LDB2: variants seen among roughly 807,000 people sequenced by gnomAD.
The protein encoded by LDB2 is LIM domain-binding protein 2.
A neutral mutation model predicts 44.3 loss-of-function variants in LDB2; 12 were observed. That is an observed-to-expected ratio of 0.27 (90% CI 0.17 to 0.44). LDB2 has a LOEUF of 0.44. Among genes scored for constraint, LDB2 ranks in the 20% least tolerant of loss-of-function variants. LDB2 has a pLI of 1.00. For missense variants in LDB2, 344 were observed against 473.5 expected, an observed-to-expected ratio of 0.73 and a Z score of 2.54; for synonymous variants, 164 against 174.8, an observed-to-expected ratio of 0.94 and a Z score of 0.49.
intron 2 of LDB2, among the ~76,000 whole-genome samples, chr4:16,736,756 C>G (rs1277002792): frequency 6.6e-6 from 1 of 152,116 alleles, no homozygotes; most frequent in Non-Finnish European, 1.5e-5. Context: ...AATTTGACTT[C>G]TTTTGTTTAT....
intron 7 of LDB2, among the ~76,000 whole-genome samples, chr4:16,504,229 A>C (rs1004279603): frequency 6.6e-6 from 1 of 152,198 alleles, no homozygotes; most frequent in African/African-American, 2.4e-5. Flanking sequence ...AGTAGAATGG[A>C]ATACTGCCTA....
At chr4:16,553,030 C>G (rs987941329) in intron 5 of LDB2, among the ~76,000 whole-genome samples, 4 of 152,140 alleles carry the variant, frequency 2.6e-5, no homozygotes, top group African/African-American at 9.7e-5. Flanking sequence ...CAACACAGCT[C>G]CAAATCTCCA....
intron 2 of LDB2, among the ~76,000 whole-genome samples, chr4:16,616,095 G>A (rs929220261): frequency 4.6e-5 from 7 of 152,078 alleles, no homozygotes; most frequent in African/African-American, 1.7e-4. Context: ...TAACATTCAT[G>A]GATACTCACA....
intron 2 of LDB2, among the ~76,000 whole-genome samples, chr4:16,641,147 T>C (rs971132183): frequency 2.6e-5 from 4 of 152,164 alleles, no homozygotes; most frequent in Non-Finnish European, 5.9e-5. Flanking sequence ...AGAGGATATC[T>C]CTGTGATGTA....
At chr4:16,570,657 A>G (rs1216625948) in intron 5 of LDB2, among the ~76,000 whole-genome samples, 2 of 151,964 alleles carry the variant, frequency 1.3e-5, no homozygotes, top group East Asian at 1.9e-4. Context: ...AAGGTTGCCT[A>G]AGATAAGCTA....
chr4:16,720,156 A>G (rs547174394), intron 2 of LDB2, among the ~76,000 whole-genome samples: 3 of 152,168 alleles, frequency 2.0e-5, no homozygotes, highest in East Asian at 3.9e-4. Flanking sequence ...TAGTAATTCA[A>G]TCAAACCCTA....
chr4:16,611,241 G>C (rs1451906904), intron 2 of LDB2, among the ~76,000 whole-genome samples: 1 of 152,132 alleles, frequency 6.6e-6, no homozygotes, highest in Non-Finnish European at 1.5e-5. Flanking sequence ...GGAAAAACCA[G>C]TACCAGCCAC....
At chr4:16,725,479 T>C (rs767014996) in intron 2 of LDB2, among the ~76,000 whole-genome samples, 1 of 152,066 alleles carries the variant, frequency 6.6e-6, no homozygotes, top group African/African-American at 2.4e-5. Context: ...GATCCCGCTA[T>C]CTCTAGTAAC....
chr4:16,766,208 A>C (rs1769166474), intron 1 of LDB2, among the ~76,000 whole-genome samples: 1 of 151,870 alleles, frequency 6.6e-6, no homozygotes, highest in South Asian at 2.1e-4. Flanking sequence ...AACCATATGG[A>C]TCTTCCTAGC....
chr4:16,552,943 A>C (rs1738185948), intron 5 of LDB2, among the ~76,000 whole-genome samples: 1 of 152,200 alleles, frequency 6.6e-6, no homozygotes, highest in Non-Finnish European at 1.5e-5. Context: ...GGTGGAAGTC[A>C]GTGACTCCAC....
intron 5 of LDB2, among the ~76,000 whole-genome samples, chr4:16,514,152 C>T (rs1212570597): frequency 6.6e-6 from 1 of 152,206 alleles, no homozygotes; most frequent in East Asian, 1.9e-4. Context: ...GTGCATTCCT[C>T]ATTGAGCCTA....
chr4:16,753,014 C>T (rs1490829882), intron 2 of LDB2, among the ~76,000 whole-genome samples: 3 of 152,010 alleles, frequency 2.0e-5, no homozygotes, highest in African/African-American at 7.3e-5. Context: ...GGAACCTGTG[C>T]CTTTCTAGGT....
In LDB2 at chr4:16,530,987, T is replaced by G. The variant is rs561708944; in HGVS notation, c.616-18883A>C. Reference sequence around the variant, plus strand: ...CAACAAGATTAGGACTTAGAATCCTTATTTTCAGAGACCATCATTGGTGTT... The same window carrying G: ...CAACAAGATTAGGACTTAGAATCCTGATTTTCAGAGACCATCATTGGTGTT... On this transcript the variant is annotated intron_variant, in intron 5 of 7. Transcript: ENST00000304523. 2.6e-5 allele frequency among the ~76,000 whole-genome samples: 4 copies of G among 152,332 alleles called. No homozygotes were observed. The South Asian group carries it at 8.3e-4, about 32-fold the overall frequency.
At chr4:16,576,947 T>A (rs2152410462) in intron 5 of LDB2, among the ~76,000 whole-genome samples, 1 of 152,316 alleles carries the variant, frequency 6.6e-6, no homozygotes, top group South Asian at 2.1e-4. Flanking sequence ...TCAATCAATA[T>A]GATACATCAT....
chr4:16,820,251 G>A (rs1311574646), intron 1 of LDB2, among the ~76,000 whole-genome samples: 1 of 152,036 alleles, frequency 6.6e-6, no homozygotes, highest in Admixed American at 6.5e-5. Context: ...TTCATGGGGG[G>A]GTAGTTTAGT....
chr4:16,888,759 C>G, intron 1 of LDB2: 1 of 964,704 alleles, frequency 1.0e-6, no homozygotes, highest in Non-Finnish European at 1.2e-6. Flanking sequence ...GATGTGGCAC[C>G]TATCATATAC....
chr4:16,881,408 C>CGG (rs1476170495), intron 1 of LDB2, among the ~76,000 whole-genome samples: 1 of 152,180 alleles, frequency 6.6e-6, no homozygotes, highest in Non-Finnish European at 1.5e-5. Context: ...GTGGGACTAG[C>CGG]GATTGGTAAG....
At chr4:16,579,563 T>A (rs1314327528) in intron 5 of LDB2, among the ~76,000 whole-genome samples, 1 of 152,202 alleles carries the variant, frequency 6.6e-6, no homozygotes, top group African/African-American at 2.4e-5. Context: ...GCTCTGAGTA[T>A]TTAAGTGGGA....
At chr4:16,550,527 T>C (rs186031547) in intron 5 of LDB2, among the ~76,000 whole-genome samples, 11 of 152,328 alleles carry the variant, frequency 7.2e-5, no homozygotes, top group Non-Finnish European at 1.2e-4. Flanking sequence ...CTTATTACAT[T>C]GGTACGTTAC....
Sources: allele counts gnomAD v4.1 joint callset (sites outside exome capture counted in the v4.1 genomes callset), GRCh38; gene constraint gnomAD v4.1.1; transcripts MANE v1.5; gene names NCBI Gene and HGNC (gene_info 2026-07-23, HGNC 2026-07-21).